KCNIP4: variants seen among roughly 807,000 people sequenced by gnomAD.
KCNIP4 encodes potassium voltage-gated channel interacting protein 4.
Under a neutral mutation model 34.0 loss-of-function variants are expected in KCNIP4, and 12 were observed. The ratio of observed to expected loss-of-function variants is 0.35; its 90% confidence interval spans 0.23 to 0.57. The LOEUF (loss-of-function observed/expected upper bound fraction) is 0.57. Among genes scored for constraint, KCNIP4 ranks in the 20% least tolerant of loss-of-function variants. The pLI is 0.83. For synonymous variants in KCNIP4, 124 were observed against 102.2 expected (o/e 1.21, Z -1.29); for missense variants, 238 against 311.7 (o/e 0.76, Z 1.78).
chr4:21,754,663 C>T (rs1013275954), intron 1 of KCNIP4, among the ~76,000 whole-genome samples: 3 of 152,128 alleles, frequency 2.0e-5, no homozygotes, highest in African/African-American at 7.2e-5. Context: ...TTCAAATAAT[C>T]ATTTCTTTAA....
chr4:21,520,156 G>A (rs945657893), intron 1 of KCNIP4, among the ~76,000 whole-genome samples: 4 of 152,016 alleles, frequency 2.6e-5, no homozygotes, highest in African/African-American at 9.7e-5. Context: ...CCCAGATTAA[G>A]ACTGGGTTTG....
chr4:21,450,428 A>G (rs1181400297), intron 1 of KCNIP4, among the ~76,000 whole-genome samples: 2 of 152,302 alleles, frequency 1.3e-5, no homozygotes, highest in East Asian at 1.9e-4. Context: ...TGTCCAAAGC[A>G]CAATCAATAT....
At chr4:21,526,017 C>T (rs953522080) in intron 1 of KCNIP4, among the ~76,000 whole-genome samples, 4 of 151,972 alleles carry the variant, frequency 2.6e-5, no homozygotes, top group Non-Finnish European at 5.9e-5. Flanking sequence ...AAGTTTTCTT[C>T]GATGAATGAA....
chr4:21,250,116 C>G (rs1191860924), intron 1 of KCNIP4, among the ~76,000 whole-genome samples: 2 of 125,848 alleles, frequency 1.6e-5, no homozygotes, highest in Non-Finnish European at 3.0e-5. Context: ...GATCTCATTT[C>G]TTTCTTTTTT....
intron 1 of KCNIP4, among the ~76,000 whole-genome samples, chr4:21,144,089 T>A (rs1752178654): frequency 6.6e-6 from 1 of 152,322 alleles, no homozygotes; most frequent in East Asian, 1.9e-4. Context: ...AGATAACTGA[T>A]AACAATACAA....
intron 1 of KCNIP4, among the ~76,000 whole-genome samples, chr4:21,203,307 G>A (rs1468409570): frequency 1.3e-5 from 2 of 152,062 alleles, no homozygotes; most frequent in Admixed American, 1.3e-4. Flanking sequence ...CAGTGCCCAT[G>A]GATCTTCAAG....
At chr4:21,763,260 A>T (rs1718179701) in intron 1 of KCNIP4, among the ~76,000 whole-genome samples, 1 of 152,184 alleles carries the variant, frequency 6.6e-6, no homozygotes, top group African/African-American at 2.4e-5. Context: ...CTAACACAAT[A>T]GGCACATGCC....
At chr4:21,382,032 G>C (rs931060695) in intron 1 of KCNIP4, among the ~76,000 whole-genome samples, 9 of 152,152 alleles carry the variant, frequency 5.9e-5, no homozygotes, top group African/African-American at 1.7e-4. Context: ...TGAGGAAAGG[G>C]GAAACATTTC....
intron 1 of KCNIP4, among the ~76,000 whole-genome samples, chr4:21,606,668 A>G (rs1238524505): frequency 1.3e-5 from 2 of 152,130 alleles, no homozygotes; most frequent in Non-Finnish European, 2.9e-5. Context: ...ATTTCGGCTC[A>G]CTGCAACCTC....
At chr4:21,478,971 C>G (rs1380645129) in intron 1 of KCNIP4, among the ~76,000 whole-genome samples, 2 of 152,166 alleles carry the variant, frequency 1.3e-5, no homozygotes, top group Non-Finnish European at 2.9e-5. Context: ...GAAGGGTAGA[C>G]AGTCCTTTTA....
intron 1 of KCNIP4, among the ~76,000 whole-genome samples, chr4:21,391,630 A>G (rs1408222200): frequency 6.6e-6 from 1 of 152,100 alleles, no homozygotes. Flanking sequence ...ACTTGACGCC[A>G]TTCCCTAACC....
chr4:20,837,783 G>A (rs1260657917), intron 3 of KCNIP4, among the ~76,000 whole-genome samples: 1 of 150,768 alleles, frequency 6.6e-6, no homozygotes, highest in African/African-American at 2.4e-5. Context: ...CCAGGTTCAA[G>A]CAATTCTCAT....
intron 1 of KCNIP4, among the ~76,000 whole-genome samples, chr4:20,978,021 A>G (rs1735657341): frequency 6.6e-6 from 1 of 152,194 alleles, no homozygotes; most frequent in African/African-American, 2.4e-5. Flanking sequence ...AGTAATACAT[A>G]TTTGTTATAT....
intron 2 of KCNIP4, among the ~76,000 whole-genome samples, chr4:20,864,392 T>C (rs1393371948): frequency 1.3e-5 from 2 of 150,620 alleles, no homozygotes; most frequent in African/African-American, 4.9e-5. Flanking sequence ...TATATACATG[T>C]TATATATATA....
intron 1 of KCNIP4, among the ~76,000 whole-genome samples, chr4:21,505,688 C>T (rs574224024): frequency 1.2e-4 from 18 of 152,180 alleles, no homozygotes; most frequent in Admixed American, 5.2e-4. Flanking sequence ...AATCATGCAT[C>T]TTATTCATCT....
At chr4:21,663,967 CAG>C (rs748421450) in intron 1 of KCNIP4, among the ~76,000 whole-genome samples, 5 of 151,940 alleles carry the variant, frequency 3.3e-5, no homozygotes, top group Non-Finnish European at 5.9e-5. Flanking sequence ...TTTTTTGAGA[CAG>C]AGTCTTGCTG....
intron 1 of KCNIP4, among the ~76,000 whole-genome samples, chr4:21,133,309 C>A (rs984068895): frequency 2.6e-5 from 4 of 152,152 alleles, no homozygotes; most frequent in Admixed American, 1.3e-4. Flanking sequence ...ATTTATTCAA[C>A]AAATGATGGA....
chr4:21,740,177 C>T (rs1187618838), intron 1 of KCNIP4, among the ~76,000 whole-genome samples: 1 of 151,990 alleles, frequency 6.6e-6, no homozygotes, highest in Admixed American at 6.6e-5. Context: ...TGTATTGACA[C>T]ATGCATATAT....
chr4:20,985,320 A>G (rs1252661014), intron 1 of KCNIP4, among the ~76,000 whole-genome samples: 1 of 152,188 alleles, frequency 6.6e-6, no homozygotes, highest in Non-Finnish European at 1.5e-5. Context: ...TGTGATCACA[A>G]TAATAGTTAA....
Sources: allele counts gnomAD v4.1 joint callset (sites outside exome capture counted in the v4.1 genomes callset), GRCh38; gene constraint gnomAD v4.1.1; transcripts MANE v1.5; gene names NCBI Gene and HGNC (gene_info 2026-07-23, HGNC 2026-07-21).